The following SULF2 variants were observed in gnomAD, a reference collection of about 807,000 sequenced individuals.
The protein encoded by SULF2 is extracellular sulfatase Sulf-2.
A neutral mutation model predicts 107.7 loss-of-function variants in SULF2; 52 were observed. That is an observed-to-expected ratio of 0.48 (90% CI 0.39 to 0.61). The LOEUF (loss-of-function observed/expected upper bound fraction) is 0.61, where lower values mean the gene tolerates loss of function less well. Among genes scored for constraint, SULF2 ranks in the 20% least tolerant of loss-of-function variants. SULF2 has a pLI of 0.00. For synonymous variants in SULF2, 460 were observed against 464.3 expected, an observed-to-expected ratio of 0.99 and a Z score of 0.12; for missense variants, 993 against 1,177.3, an observed-to-expected ratio of 0.84 and a Z score of 2.29.
At chr20:47,727,342 G>C (rs1191224567) in intron 3 of SULF2, among the ~76,000 whole-genome samples, 1 of 152,162 alleles carries the variant, frequency 6.6e-6, no homozygotes, top group Non-Finnish European at 1.5e-5. Context: ...AGAGGCTGGA[G>C]TGATGTGGCC....
intron 2 of SULF2, among the ~76,000 whole-genome samples, chr20:47,745,964 T>C (rs933250211): frequency 3.9e-5 from 6 of 152,254 alleles, no homozygotes; most frequent in Non-Finnish European, 8.8e-5. Context: ...GAATGGCCTT[T>C]TTCTTTAATT....
intron 1 of SULF2, among the ~76,000 whole-genome samples, chr20:47,765,548 C>T (rs995922207): frequency 6.6e-6 from 1 of 152,190 alleles, no homozygotes; most frequent in East Asian, 1.9e-4. Context: ...GGGCCAGAGC[C>T]CAGCAACAGA....
chr20:47,694,604 G>A lies in SULF2; in HGVS notation c.568-4309C>T, dbSNP rs2088313449. The stretch of plus-strand genomic sequence containing the variant: ...GAAGCCACAGCTGGGACCCCGAGGT[G>A]CAACCGGCCCCCTCTGGCAAGCACC... On this transcript the variant is annotated intron_variant, in intron 4 of 20. Coordinates refer to ENST00000688720, the MANE Select transcript of SULF2 (RefSeq NM_001387048.1). This position sits in a 1 kb window ranked among gnomAD's most constrained non-coding sequence, Gnocchi z 4.4. Among the ~76,000 whole-genome samples, 1 of 151,764 alleles carries A rather than the reference G, an allele frequency of 6.6e-6. No individual in the cohort carries two copies. Among genetic ancestry groups the A allele is most frequent in the South Asian group, 2.1e-4 (1 of 4,830 alleles).
intron 4 of SULF2, among the ~76,000 whole-genome samples, chr20:47,701,783 C>T (rs2088577162): frequency 6.6e-6 from 1 of 152,204 alleles, no homozygotes; most frequent in Admixed American, 6.5e-5. Flanking sequence ...AAGCCAGATG[C>T]AGAGTGAATC....
At chr20:47,747,018 T>TATATATATAC (rs1232551264) in intron 2 of SULF2, among the ~76,000 whole-genome samples, 4 of 75,130 alleles carry the variant, frequency 5.3e-5, no homozygotes, top group African/African-American at 1.6e-4. Context: ...TATATATATA[T>TATATATATAC]ACACACACAC....
Position 47,666,891 on chromosome 20 carries a change from C to T in SULF2, c.1577-403G>A, listed in dbSNP as rs2087293535. 6.6e-6 allele frequency among the ~76,000 whole-genome samples: 1 copy of T among 152,296 alleles called. No individual in the cohort carries two copies. The highest frequency in any genetic ancestry group is 1.5e-5 in the Non-Finnish European group (1 of 68,022). ...AAACCAGCCAGACACAAAGCGGGCT[C>T]GTATTGTTACATTCTATTTATAGGA... is the stretch of plus-strand genomic sequence containing the variant. On this transcript the variant is annotated intron_variant, in intron 11 of 20. Coordinates refer to ENST00000688720, the MANE Select transcript of SULF2 (RefSeq NM_001387048.1). This position sits in a 1 kb window ranked among gnomAD's most constrained non-coding sequence, Gnocchi z 5.4.
chr20:47,697,462 T>TGATCTAG (rs1243026181), intron 4 of SULF2, among the ~76,000 whole-genome samples: 2 of 152,214 alleles, frequency 1.3e-5, no homozygotes, highest in Non-Finnish European at 2.9e-5. Context: ...TCTTACTGCC[T>TGATCTAG]GATCTAGGGC....
intron 2 of SULF2, among the ~76,000 whole-genome samples, chr20:47,737,446 T>G (rs1428281282): frequency 1.3e-5 from 2 of 151,804 alleles, no homozygotes; most frequent in Non-Finnish European, 2.9e-5. Context: ...CAATAATTGT[T>G]TGCTCTTACT....
At chr20:47,728,543 C>A (rs1050961348) in intron 3 of SULF2, among the ~76,000 whole-genome samples, 1 of 152,090 alleles carries the variant, frequency 6.6e-6, no homozygotes, top group African/African-American at 2.4e-5. Context: ...ACCAGTCATC[C>A]TGGGAAGGTC....
chr20:47,689,931 G>T, intron 5 of SULF2, 195 bp downstream of exon 5: 1 of 475,792 alleles, frequency 2.1e-6, no homozygotes, highest in Non-Finnish European at 3.4e-6. Flanking sequence ...CTCCTGCCTT[G>T]GTCTGTTGCC....
intron 5 of SULF2, among the ~76,000 whole-genome samples, chr20:47,688,130 C>T (rs1602648605): frequency 6.6e-6 from 1 of 152,088 alleles, no homozygotes; most frequent in South Asian, 2.1e-4. Context: ...CAGGAAAGGG[C>T]ATGTGCCGGC....
intron 11 of SULF2, among the ~76,000 whole-genome samples, chr20:47,667,977 C>A (rs1295841720): frequency 1.3e-5 from 2 of 152,238 alleles, no homozygotes; most frequent in African/African-American, 4.8e-5. Flanking sequence ...GGAAAGGCCT[C>A]CCCTCTCCAG....
intron 5 of SULF2, 163 bp downstream of exon 5, chr20:47,689,963 C>T (rs2088140035): frequency 2.8e-6 from 2 of 704,222 alleles, no homozygotes; most frequent in Non-Finnish European, 4.0e-6. Flanking sequence ...GAGTTGCATC[C>T]CAGTTTCACC....
At chr20:47,712,643 G>A (rs1332668142) in intron 3 of SULF2, among the ~76,000 whole-genome samples, 2 of 152,210 alleles carry the variant, frequency 1.3e-5, no homozygotes, top group Non-Finnish European at 2.9e-5. Context: ...CCTGATTGAG[G>A]TACACAGCTG....
At chr20:47,727,303 C>A (rs2089470822) in intron 3 of SULF2, among the ~76,000 whole-genome samples, 1 of 152,102 alleles carries the variant, frequency 6.6e-6, no homozygotes, top group African/African-American at 2.4e-5. Context: ...GAGGGACCCA[C>A]AGGGAGGAGG....
chr20:47,720,110 G>T (rs892264806), intron 3 of SULF2, among the ~76,000 whole-genome samples: 21 of 152,002 alleles, frequency 1.4e-4, no homozygotes, highest in Non-Finnish European at 3.1e-4. Flanking sequence ...CACCACGACC[G>T]GCTAATTTTG....
chr20:47,747,793 T>G (rs1208874393), intron 2 of SULF2, among the ~76,000 whole-genome samples: 4 of 151,920 alleles, frequency 2.6e-5, no homozygotes, highest in African/African-American at 7.3e-5. Flanking sequence ...CACTGCCATC[T>G]GCCCAACGGC....
At chr20:47,732,392 G>T (rs59871696) in intron 3 of SULF2, among the ~76,000 whole-genome samples, 1 of 152,222 alleles carries the variant, frequency 6.6e-6, no homozygotes, top group African/African-American at 2.4e-5. Context: ...CCCAGGCAAA[G>T]CTAATGCCCT....
chr20:47,774,976 C>T (rs2090698905), intron 1 of SULF2, among the ~76,000 whole-genome samples: 1 of 152,198 alleles, frequency 6.6e-6, no homozygotes, highest in African/African-American at 2.4e-5. Flanking sequence ...CCAGAATTTC[C>T]TCAGTTCCTG....
Sources: gnomAD v4.1 joint callset for allele counts (sites outside exome capture counted in the v4.1 genomes callset) on GRCh38, gnomAD v4.1.1 for gene constraint, Gnocchi (gnomAD v3.1) non-coding constraint, MANE v1.5 for transcripts, NCBI Gene and HGNC (gene_info 2026-07-23, HGNC 2026-07-21) for gene names.